Variants in FAM83H observed in about 807,000 individuals in gnomAD.
The protein encoded by FAM83H is protein FAM83H.
Under a neutral mutation model 30.2 loss-of-function variants are expected in FAM83H, and 24 were observed. The ratio of observed to expected loss-of-function variants is 0.79; its 90% confidence interval spans 0.57 to 1.12. The LOEUF (loss-of-function observed/expected upper bound fraction) is 1.12, where lower values mean the gene tolerates loss of function less well. Ranked by LOEUF, FAM83H falls within the 50% of genes most tolerant of loss-of-function variation. The probability of loss-of-function intolerance (pLI) is 0.00; values close to 1 mark genes in which losing one functional copy is unlikely to be tolerated. For missense variants in FAM83H, 2,038 were observed against 1,773.9 expected (o/e 1.15, Z -2.67); for synonymous variants, 1,013 against 821.7 (o/e 1.23, Z -3.98).
intron 2 of FAM83H, 92 bp from the exon 3 acceptor site, chr8:143,729,415 C>T: frequency 1.4e-6 from 2 of 1,396,914 alleles, no homozygotes; most frequent in East Asian, 2.4e-5. Context: ...GTGTCTGGAT[C>T]ACCCACGACC....
In FAM83H at chr8:143,728,591, G is replaced by A; in HGVS notation, c.870C>T (p.Ala290=). 8 of 1,606,184 alleles carry A rather than the reference G, an allele frequency of 5.0e-6. No individual in the cohort carries two copies. Among genetic ancestry groups the A allele is most frequent in the Non-Finnish European group, 6.8e-6 (8 of 1,177,466 alleles). ...QSEPLVPSAA[A]LARMDAYALA... ...GGGCATAGGCGTCCATGCGGGCCAG[G>A]GCCGCGGCCGAGGGCACAAGCGGCT... The change falls in exon 5 of 5, where the codon GCC becomes GCT. Residue 290 remains alanine, a synonymous_variant. Transcript: ENST00000388913.
rs782767961 is a variant in FAM83H, at chr8:143,728,174, C to T, written c.1287G>A (p.Val429=). Residue 429 remains valine (V), a synonymous_variant, in exon 5 of 5, where the codon GTG becomes GTA. Transcript: ENST00000388913. The part of the protein sequence containing the change: ...AVENFAAARQ[V]SRQTFLSHGD... ...CGTGGCTGAGGAACGTCTGCCGCGA[C>T]ACCTGCCGCGCGGCCGCGAAGTTCT... The T allele has an allele frequency of 1.9e-6, 3 of 1,606,878 alleles. No homozygotes were observed. The highest frequency in any genetic ancestry group is 3.3e-5 in the Admixed American group (2 of 59,784).
chr8:143,728,231 G>A lies in FAM83H; in HGVS notation c.1230C>T (p.His410=). 6.3e-7 allele frequency: 1 copy of A among 1,589,682 alleles called. No homozygotes were observed. Among genetic ancestry groups the A allele is most frequent in the Non-Finnish European group, 8.5e-7 (1 of 1,173,574 alleles). ...RHLEMDAFKR[H]SFATEGAGAV... is the part of the protein sequence containing the mutation. ...CGCCCGCGCCCTCGGTCGCGAAGCT[G>A]TGCCGCTTGAAGGCGTCCATCTCCA... is the stretch of plus-strand genomic sequence containing the variant. The change falls in exon 5 of 5, where the codon CAC becomes CAT. Residue 410 remains histidine, a synonymous_variant. Coordinates refer to ENST00000388913, the MANE Select transcript of FAM83H (RefSeq NM_198488.5).
rs782501569 is a variant in FAM83H, at chr8:143,728,384, C to T, written c.1077G>A (p.Pro359=). The change falls in exon 5 of 5, where the codon CCG becomes CCA. Residue 359 remains proline, a synonymous_variant. Transcript: ENST00000388913. ...HFLSAFRREE[P]PRMPGGALEP... is the part of the protein sequence containing the mutation. ...CCAGCGCGCCCCCCGGCATCCGCGG[C>T]GGCTCCTCCCGGCGGAAGGCCGACA... 9 of 1,545,664 alleles carry T rather than the reference C, an allele frequency of 5.8e-6. No homozygotes were observed. In the South Asian group the frequency reaches 8.3e-5, roughly 14 times the overall value.
rs1563756621 is a variant in FAM83H at position 143,726,042 on chromosome 8, CAGA to C, written c.3416_3418del (p.Phe1139del). The C allele has an allele frequency of 2.5e-6, 4 of 1,612,696 alleles. No individual in the cohort carries two copies. Among genetic ancestry groups the C allele is most frequent in the Non-Finnish European group, 3.4e-6 (4 of 1,179,838 alleles). On this transcript the variant is annotated inframe_deletion, in exon 5 of 5. Transcript: ENST00000388913. Reference sequence around the variant, plus strand: ...AGGGCTGCTGGCCTCCTCTTTCTTGCAGAAGACCTCGAAGCGGCTGTACACGCG... The same window carrying C: ...AGGGCTGCTGGCCTCCTCTTTCTTGCAGACCTCGAAGCGGCTGTACACGCG...
rs1554621588 is a variant in FAM83H at position 143,726,148 on chromosome 8, G to T, written c.3313C>A (p.Leu1105Met). ...GCGCTGGCTGGCAGCGTGCGGCTCA[G>T]CCGGCCCTGGGTCCCCAAGCTGTCC... ...RSDSLGTQGR[L>M]SRTLPASAEE... Residue 1105 changes from leucine (L) to methionine (M), a missense_variant, in exon 5 of 5, where the codon CTG becomes ATG. Physicochemically the swap from Leu to Met is conservative, Grantham distance 15. Coordinates refer to ENST00000388913, the MANE Select transcript of FAM83H (RefSeq NM_198488.5). The T allele has an allele frequency of 5.0e-6, 8 of 1,611,660 alleles. No individual in the cohort carries two copies. The highest frequency in any genetic ancestry group is 6.8e-6 in the Non-Finnish European group (8 of 1,179,438).
In FAM83H at chr8:143,727,942, G is replaced by C. The variant is rs563408432; in HGVS notation, c.1519C>G (p.Arg507Gly). Residue 507 changes from arginine (R) to glycine (G), a missense_variant, in exon 5 of 5, where the codon CGG (arginine) becomes GGG (glycine). Transcript: ENST00000388913. The part of the protein sequence containing the change: ...FPELGPDGHQ[R>G]LDYVPSSASR... ...GCGCTGGACGGCACGTAGTCCAGCC[G>C]CTGGTGCCCGTCGGGTCCGAGCTCC... The C allele has an allele frequency of 8.4e-6, 13 of 1,546,630 alleles. No homozygotes were observed. The Admixed American group carries it at 2.0e-4, about 23-fold the overall frequency.
At chr8:143,728,868 C>T (rs762898484) in intron 4 of FAM83H, 99 bp downstream of exon 4, 2 of 1,602,930 alleles carry the variant, frequency 1.2e-6, no homozygotes, top group African/African-American at 1.3e-5. Context: ...GTCTACAGGA[C>T]AAGGGCTCCT....
At position 143,728,244 on chromosome 8, in the gene FAM83H, G is replaced by T. The variant is rs1554623229; in HGVS notation, c.1217C>A (p.Ala406Asp). ...GGTCGCGAAGCTGTGCCGCTTGAAG[G>T]CGTCCATCTCCAGGTGCCGCGCCTG... ...FFQARHLEMD[A>D]FKRHSFATEG... Residue 406 changes from alanine to aspartate, a missense_variant, in exon 5 of 5, where the codon GCC (alanine) becomes GAC (aspartate). Coordinates refer to ENST00000388913, the MANE Select transcript of FAM83H (RefSeq NM_198488.5). 1 of 1,577,452 alleles carries T rather than the reference G, an allele frequency of 6.3e-7. No homozygotes were observed.
intron 1 of FAM83H, chr8:143,732,700 G>T: frequency 1.0e-6 from 1 of 985,380 alleles, no homozygotes; most frequent in Non-Finnish European, 1.2e-6. Context: ...CCTTTCATGG[G>T]TACGTGTCTC....
In FAM83H at chr8:143,733,023, G is replaced by C. The variant is rs1166893220; in HGVS notation, c.-16+668C>G. The C allele has an allele frequency of 1.9e-5, 3 of 154,336 alleles. No individual in the cohort carries two copies. Among genetic ancestry groups the C allele is most frequent in the Non-Finnish European group, 2.9e-5 (2 of 68,244 alleles). The allele number at this position is 154,336 out of a possible 1,614,324, so 9.6% of individuals were successfully genotyped here. On this transcript the variant is annotated intron_variant, in intron 1 of 4. Transcript: ENST00000388913. The surrounding 1 kb of genome is among the most constrained non-coding windows in gnomAD (Gnocchi z 5.6). ...TTCCTACACAAAGTGGGGTGAACCT[G>C]TGCCAAGTTCCGATGGGCGCAGGAG...
rs1818475919 is a variant in FAM83H, at chr8:143,730,429, C to A, written c.154G>T (p.Ala52Ser). 2.5e-6 allele frequency: 4 copies of A among 1,612,624 alleles called. No homozygotes were observed. Among genetic ancestry groups the A allele is most frequent in the Non-Finnish European group, 3.4e-6 (4 of 1,180,016 alleles). The change falls in exon 2 of 5, where the codon GCA becomes TCA. Residue 52 changes from alanine to serine, a missense_variant. Physicochemically the swap from Ala to Ser is moderately conservative, Grantham distance 99 (BLOSUM62 1). Transcript: ENST00000388913. ...TCTTCAGGGCACAGGAAGTCTGGTG[C>A]CCCCTCGGTAGCGAGGAAGCGGCTG... ...AYSRFLATEG[A>S]PDFLCPEELE... is the part of the protein sequence containing the mutation.
chr8:143,733,419 C>T lies in FAM83H; in HGVS notation c.-16+272G>A, dbSNP rs570840072. On this transcript the variant is annotated intron_variant, in intron 1 of 4. Coordinates refer to ENST00000388913, the MANE Select transcript of FAM83H (RefSeq NM_198488.5). This position sits in a 1 kb window ranked among gnomAD's most constrained non-coding sequence, Gnocchi z 5.6. ...TCGGGACGGCCGGGCAGGCTCGACC[C>T]GGATCCCGGGCCCCTTCCCCCTCGG... 3.2e-3 allele frequency among the ~76,000 whole-genome samples: 484 copies of T among 152,282 alleles called. 3 individuals carry two copies. The highest frequency in any genetic ancestry group is 0.011 in the African/African-American group (460 of 41,582).
rs992762733 is a variant in FAM83H at position 143,733,332 on chromosome 8, G to A, written c.-16+359C>T. On this transcript the variant is annotated intron_variant, in intron 1 of 4. Coordinates refer to ENST00000388913, the MANE Select transcript of FAM83H (RefSeq NM_198488.5). This position sits in a 1 kb window ranked among gnomAD's most constrained non-coding sequence, Gnocchi z 5.6. Reference sequence around the variant, plus strand: ...ACGGCGGCCCGGGCGGATGTCCCCAGGGAAGGGTCCAGGCCGTGCCCAGCA... The same window carrying A: ...ACGGCGGCCCGGGCGGATGTCCCCAAGGAAGGGTCCAGGCCGTGCCCAGCA... Among the ~76,000 whole-genome samples, 2 of 152,174 alleles carry A rather than the reference G, an allele frequency of 1.3e-5. No individual in the cohort carries two copies. The highest frequency in any genetic ancestry group is 6.5e-5 in the Admixed American group (1 of 15,292).
At position 143,727,883 on chromosome 8, in the gene FAM83H, G is replaced by A; in HGVS notation, c.1578C>T (p.Ala526=). The change falls in exon 5 of 5, where the codon GCC becomes GCT. Residue 526 remains alanine, a synonymous_variant. Coordinates refer to ENST00000388913, the MANE Select transcript of FAM83H (RefSeq NM_198488.5). The part of the protein sequence containing the change: ...SREVRHGSDP[A]FAPGPRGLEP... ...CCAGGCCGCGGGGTCCGGGCGCGAA[G>A]GCGGGGTCCGAGCCGTGGCGCACCT... The A allele has an allele frequency of 1.4e-6, 2 of 1,391,220 alleles. No individual in the cohort carries two copies. Among genetic ancestry groups the A allele is most frequent in the Non-Finnish European group, 1.8e-6 (2 of 1,082,768 alleles). The allele number at this position is 1,391,220 out of a possible 1,614,324, so 86.2% of individuals were successfully genotyped here. A position where few individuals can be genotyped will look rare whatever the true frequency, so the allele number is the denominator to read the frequency against.
Position 143,726,585 on chromosome 8 carries a change from A to G in FAM83H, c.2876T>C (p.Met959Thr), listed in dbSNP as rs1554621903. The change falls in exon 5 of 5, where the codon ATG becomes ACG. Residue 959 changes from methionine (M) to threonine (T), a missense_variant. Transcript: ENST00000388913. ...CAAGGAGCCTTTGCGCAGGACTTCC[A>G]TGGGGCCGCTCGGCCCCTCCTCCGC... The part of the protein sequence containing the change: ...GPAEEGPSGP[M>T]EVLRKGSLRL... 2 of 1,601,170 alleles carry G rather than the reference A, an allele frequency of 1.2e-6. No individual in the cohort carries two copies. Among genetic ancestry groups the G allele is most frequent in the Admixed American group, 1.7e-5 (1 of 59,868 alleles).
In FAM83H at chr8:143,726,458, A is replaced by G. The variant is rs1554621806; in HGVS notation, c.3003T>C (p.Arg1001=). 1 of 1,602,680 alleles carries G rather than the reference A, an allele frequency of 6.2e-7. No individual in the cohort carries two copies. The highest frequency in any genetic ancestry group is 1.3e-5 in the African/African-American group (1 of 74,946). Residue 1001 remains arginine, a synonymous_variant, in exon 5 of 5, where the codon CGT becomes CGC. Coordinates refer to ENST00000388913, the MANE Select transcript of FAM83H (RefSeq NM_198488.5). ...TGCTGTCACCCTGGCCCAGTGACAG[A>G]CGCCGCGGGCTCTCGGGTTGGCCGT... ...QENGQPESPR[R]LSLGQGDSTE... is the part of the protein sequence containing the mutation.
At chr8:143,732,341 C>A (rs1554624722) in intron 1 of FAM83H, 2 of 985,416 alleles carry the variant, frequency 2.0e-6, no homozygotes, top group South Asian at 9.4e-5. Flanking sequence ...GTGCCAGGGG[C>A]AGATCGAGGC....
chr8:143,726,935 T>G lies in FAM83H; in HGVS notation c.2526A>C (p.Ser842=). 6.2e-7 allele frequency: 1 copy of G among 1,611,644 alleles called. No individual in the cohort carries two copies. Among genetic ancestry groups the G allele is most frequent in the Non-Finnish European group, 8.5e-7 (1 of 1,179,522 alleles). Residue 842 remains serine, a synonymous_variant, in exon 5 of 5, where the codon TCA becomes TCC. Coordinates refer to ENST00000388913, the MANE Select transcript of FAM83H (RefSeq NM_198488.5). ...GGCTGTCCAGCCCTTGCGGGGACGT[T>G]GAGTGGCTCTGGGCAGAGAGGAAGC... ...PSRFLSAQSH[S]TSPQGLDSPL...
Sources: gnomAD v4.1 joint callset for allele counts (sites outside exome capture counted in the v4.1 genomes callset) on GRCh38, gnomAD v4.1.1 for gene constraint, Gnocchi (gnomAD v3.1) non-coding constraint, MANE v1.5 for transcripts, NCBI Gene and HGNC (gene_info 2026-07-23, HGNC 2026-07-21) for gene names.